Variants in TCF12 observed in about 807,000 individuals in gnomAD.
TCF12 encodes DNA-binding protein HTF4.
A neutral mutation model predicts 86.0 loss-of-function variants in TCF12; 45 were observed. The observed-to-expected ratio is 0.52, with a 90% confidence interval of 0.41 to 0.67. TCF12 has a LOEUF of 0.67. Among genes scored for constraint, TCF12 ranks in the 30% least tolerant of loss-of-function variants. The pLI is 0.00. For missense variants in TCF12, 881 were observed against 859.9 expected (o/e 1.02, Z -0.31); for synonymous variants, 330 against 299.6 (o/e 1.10, Z -1.05).
chr15:57,129,665 C>G lies in TCF12; in HGVS notation c.326-36737C>G, dbSNP rs376826820. ...CTGAAATGGAGATAGTGGTTCTGGCCTTGCACTATTTTTGAGAATGATGTA... is the reference window on the plus strand; with the variant it reads ...CTGAAATGGAGATAGTGGTTCTGGCGTTGCACTATTTTTGAGAATGATGTA... On this transcript the variant is annotated intron_variant, in intron 5 of 20. Coordinates refer to ENST00000333725, the MANE Select transcript of TCF12 (RefSeq NM_207037.2). 4 of 152,278 alleles carry G rather than the reference C, an allele frequency of 2.6e-5. No homozygotes were observed. In the East Asian group the frequency reaches 7.7e-4, roughly 29 times the overall value. The allele number at this position is 152,278 out of a possible 1,614,324, so 9.4% of individuals were successfully genotyped here.
intron 5 of TCF12, among the ~76,000 whole-genome samples, chr15:57,160,213 GA>G (rs2054400353): frequency 2.0e-5 from 3 of 152,188 alleles, no homozygotes; most frequent in African/African-American, 7.2e-5. Context: ...AGGTTTAATT[GA>G]CTCACAGTTC....
intron 5 of TCF12, among the ~76,000 whole-genome samples, chr15:57,153,869 C>T (rs2053933661): frequency 6.6e-6 from 1 of 150,916 alleles, no homozygotes; most frequent in South Asian, 2.1e-4. Context: ...AAAAAAAAAA[C>T]CAGGTATAGT....
chr15:57,191,264 G>C (rs1191531348), intron 6 of TCF12, among the ~76,000 whole-genome samples: 1 of 152,140 alleles, frequency 6.6e-6, no homozygotes, highest in Non-Finnish European at 1.5e-5. Context: ...AGGAGTTCAA[G>C]ACCAGCCTGG....
chr15:57,114,322 G>T (rs1487319559), intron 5 of TCF12, among the ~76,000 whole-genome samples: 2 of 150,594 alleles, frequency 1.3e-5, no homozygotes, highest in African/African-American at 2.5e-5. Flanking sequence ...ACAGGATCCT[G>T]TTCTGTTGTG....
intron 14 of TCF12, among the ~76,000 whole-genome samples, chr15:57,252,008 G>T (rs1342146706): frequency 6.6e-6 from 1 of 152,186 alleles, no homozygotes; most frequent in African/African-American, 2.4e-5. Context: ...GTGGGAGAAT[G>T]TTGACTACTG....
At chr15:57,233,938 C>A in intron 11 of TCF12, 105 bp from the exon 12 acceptor site, 3 of 853,944 alleles carry the variant, frequency 3.5e-6, no homozygotes, top group Non-Finnish European at 5.9e-6. Flanking sequence ...TTTACTGTAA[C>A]AGATGTGAGA....
intron 3 of TCF12, among the ~76,000 whole-genome samples, chr15:56,945,847 G>A (rs2060971021): frequency 6.6e-6 from 1 of 152,164 alleles, no homozygotes; most frequent in Admixed American, 6.6e-5. Context: ...AATCTCAGGA[G>A]TGCATTTGTT....
At chr15:57,263,888 T>C (rs936973843) in intron 18 of TCF12, among the ~76,000 whole-genome samples, 12 of 152,252 alleles carry the variant, frequency 7.9e-5, no homozygotes, top group Middle Eastern at 3.4e-3. Flanking sequence ...AGGCCACTTA[T>C]CATGAATAGA....
At chr15:57,141,056 G>A (rs1198060142) in intron 5 of TCF12, among the ~76,000 whole-genome samples, 5 of 151,870 alleles carry the variant, frequency 3.3e-5, no homozygotes, top group Non-Finnish European at 7.4e-5. Context: ...TTCCCACTTT[G>A]GTCCCAGATG....
chr15:57,064,058 A>G (rs1451705257), intron 4 of TCF12, among the ~76,000 whole-genome samples: 2 of 152,244 alleles, frequency 1.3e-5, no homozygotes, highest in African/African-American at 4.8e-5. Flanking sequence ...AACTGCCTAC[A>G]GTACTCTACT....
At position 56,963,722 on chromosome 15, in the gene TCF12, G is replaced by A. The variant is rs534265005; in HGVS notation, c.148+42624G>A. Among the ~76,000 whole-genome samples, 113 of 152,232 alleles carry A rather than the reference G, an allele frequency of 7.4e-4. 1 individual carries two copies. The highest frequency in any genetic ancestry group is 2.6e-3 in the African/African-American group (106 of 41,550). On this transcript the variant is annotated intron_variant, in intron 3 of 20. Transcript: ENST00000333725. ...TTTGGATGCACCTACTTATTTTTAA[G>A]TAATCTTTGTTCTTTATGAACTGTC...
At chr15:57,051,436 CATTGGCATTCTCAA>C (rs374729368) in intron 3 of TCF12, among the ~76,000 whole-genome samples, 1,755 of 152,278 alleles carry the variant, frequency 0.012, 30 homozygotes, top group African/African-American at 0.039. Context: ...TTTCCAGTCA[CATTGGCATTCTCAA>C]ATTCTGTTTT....
chr15:57,199,619 C>T (rs1416200899), intron 8 of TCF12, among the ~76,000 whole-genome samples: 1 of 152,066 alleles, frequency 6.6e-6, no homozygotes, highest in Non-Finnish European at 1.5e-5. Context: ...CATTCGTAAT[C>T]GTAATAACAT....
At chr15:57,108,496 C>T (rs2050279100) in intron 5 of TCF12, among the ~76,000 whole-genome samples, 1 of 152,072 alleles carries the variant, frequency 6.6e-6, no homozygotes. Context: ...AATGATGATT[C>T]TACTTAGGAA....
At chr15:57,198,479 T>G (rs2057379125) in intron 8 of TCF12, among the ~76,000 whole-genome samples, 1 of 152,210 alleles carries the variant, frequency 6.6e-6, no homozygotes, top group Non-Finnish European at 1.5e-5. Context: ...TGGAAAGGTT[T>G]GGTGGAACAA....
intron 6 of TCF12, among the ~76,000 whole-genome samples, chr15:57,171,264 G>A (rs1027849595): frequency 2.0e-5 from 3 of 151,502 alleles, no homozygotes; most frequent in South Asian, 2.1e-4. Context: ...GGAGCAGTTC[G>A]TGAGCCCCAG....
intron 5 of TCF12, among the ~76,000 whole-genome samples, chr15:57,145,111 A>T (rs566354585): frequency 1.3e-5 from 2 of 152,364 alleles, no homozygotes; most frequent in East Asian, 3.9e-4. Context: ...ACATTTAAAC[A>T]TCTTAATAAG....
rs1404926543 is a variant in TCF12, at chr15:56,921,068, A to G, written c.118A>G (p.Thr40Ala). 4 of 1,609,436 alleles carry G rather than the reference A, an allele frequency of 2.5e-6. No homozygotes were observed. The highest frequency in any genetic ancestry group is 3.4e-6 in the Non-Finnish European group (4 of 1,177,496). ...TAATAGTGGGAAAACTAGACCAACT[A>G]CACTGGGAAGCAGTCAATTCAGTGG... is the stretch of plus-strand genomic sequence containing the variant. ...PVNSGKTRPT[T>A]LGSSQFSGSG... Residue 40 changes from threonine to alanine, a missense_variant, in exon 3 of 21, where the codon ACA becomes GCA. By Grantham distance (58) the Thr-to-Ala change is moderately conservative (BLOSUM62 0). This residue lies in a region of TCF12 where 766 missense variants were observed against 718.9 expected (regional missense o/e 1.07). Transcript: ENST00000333725.
chr15:56,970,070 C>T (rs575569474), intron 3 of TCF12, among the ~76,000 whole-genome samples: 81 of 152,186 alleles, frequency 5.3e-4, no homozygotes, highest in African/African-American at 1.9e-3. Context: ...TGTGGACAGA[C>T]TAGTGGAATA....
Sources: gnomAD v4.1 joint callset for allele counts (sites outside exome capture counted in the v4.1 genomes callset) on GRCh38, gnomAD v4.1.1 for gene constraint, gnomAD v4.1.1 regional missense constraint, MANE v1.5 for transcripts, NCBI Gene and HGNC (gene_info 2026-07-23, HGNC 2026-07-21) for gene names.